Variants in CCDC141 observed in about 807,000 individuals in gnomAD.
The protein encoded by CCDC141 is coiled-coil domain containing 141.
Under a neutral mutation model 181.0 loss-of-function variants are expected in CCDC141, and 168 were observed. The ratio of observed to expected loss-of-function variants is 0.93; its 90% CI spans 0.82 to 1.05. CCDC141 has a LOEUF of 1.05. Among genes scored for constraint, CCDC141 ranks in the 50% least tolerant of loss-of-function variants. CCDC141 has a pLI of 0.00. For synonymous variants in CCDC141, 666 were observed against 642.3 expected (o/e 1.04, Z -0.56); for missense variants, 1,902 against 1,788.5 (o/e 1.06, Z -1.14).
At position 178,845,694 on chromosome 2, in the gene CCDC141, C is replaced by A. The variant is rs1216316746; in HGVS notation, c.3406G>T (p.Asp1136Tyr). 3.1e-6 allele frequency: 5 copies of A among 1,612,390 alleles called. No homozygotes were observed. Among genetic ancestry groups the A allele is most frequent in the South Asian group, 1.1e-5 (1 of 91,028 alleles). Residue 1136 changes from aspartate (D) to tyrosine (Y), a missense_variant, in exon 22 of 24, where the codon GAT (aspartate) becomes TAT (tyrosine). Asp to Tyr is a radical substitution (Grantham distance 160). Transcript: ENST00000443758. The part of the protein sequence containing the change: ...MNPNLEDFHY[D>Y]YIDLLKEPAK... ...GGTTCCTTTAGCAAGTCAATGTAAT[C>A]ATAATGGAAGTCTTCCAAATTCGGA...
At chr2:178,900,468 T>C (rs2067132524) in intron 8 of CCDC141, among the ~76,000 whole-genome samples, 1 of 152,208 alleles carries the variant, frequency 6.6e-6, no homozygotes, top group South Asian at 2.1e-4. Flanking sequence ...AGTTTCCTGT[T>C]TATGAAATGA....
chr2:178,872,781 A>C lies in CCDC141; in HGVS notation c.1900-469T>G, dbSNP rs544338458. On this transcript the variant is annotated intron_variant, in intron 12 of 23. Transcript: ENST00000443758. Reference sequence around the variant, plus strand: ...TTCTTTAAACTATTCCATTGTATACATTGCAATTATTTTAAATGTCCTTTG... The same window carrying C: ...TTCTTTAAACTATTCCATTGTATACCTTGCAATTATTTTAAATGTCCTTTG... Among the ~76,000 whole-genome samples the C allele has an allele frequency of 1.6e-4, 25 of 152,240 alleles. No individual in the cohort carries two copies. In the South Asian group the frequency reaches 4.6e-3, roughly 28 times the overall value.
At chr2:178,981,086 A>T (rs548568888) in intron 2 of CCDC141, among the ~76,000 whole-genome samples, 6 of 152,312 alleles carry the variant, frequency 3.9e-5, no homozygotes, top group South Asian at 2.1e-4. Context: ...AACAACAGAG[A>T]TTCAAAATAT....
intron 18 of CCDC141, 36 bp from the exon 19 acceptor site, chr2:178,855,577 C>A: frequency 1.4e-6 from 2 of 1,440,026 alleles, no homozygotes; most frequent in Admixed American, 2.4e-5. Context: ...AAACAACATT[C>A]AATTTGTATT....
chr2:178,824,442 G>T, the CCDC141 span, among the ~76,000 whole-genome samples: 3 of 151,862 alleles, frequency 2.0e-5, no homozygotes, highest in Non-Finnish European at 2.9e-5. Context: ...GGCCAACATG[G>T]AGAAACACCA....
intron 11 of CCDC141, among the ~76,000 whole-genome samples, chr2:178,879,050 A>T (rs1686477352): frequency 6.6e-6 from 1 of 152,234 alleles, no homozygotes. Flanking sequence ...TATTAAGGTA[A>T]ATTACTATGC....
In CCDC141 at chr2:178,865,873, T is replaced by A. The variant is rs1228590172; in HGVS notation, c.2618A>T (p.Glu873Val). The part of the protein sequence containing the change: ...VSAKNLQQQL[E>V]LLEEDSMKWR... ...CTTCATGCTGTCCTCCTCAAGGAGC[T>A]CCAGCTGCTGCTGTAGGTTCTTTGC... Residue 873 changes from glutamate to valine, a missense_variant, in exon 17 of 24, where the codon GAG becomes GTG. Physicochemically the swap from Glu to Val is moderately radical, Grantham distance 121. Transcript: ENST00000443758. The A allele has an allele frequency of 1.2e-6, 2 of 1,602,756 alleles. No homozygotes were observed. Among genetic ancestry groups the A allele is most frequent in the East Asian group, 4.5e-5 (2 of 44,096 alleles).
At chr2:178,851,993 G>A (rs181394368) in intron 20 of CCDC141, among the ~76,000 whole-genome samples, 32 of 152,220 alleles carry the variant, frequency 2.1e-4, no homozygotes, top group African/African-American at 3.4e-4. Context: ...CCAAACAGAC[G>A]GAGACTCATG....
chr2:178,992,891 CT>C (rs1359301232), intron 2 of CCDC141, among the ~76,000 whole-genome samples: 7 of 152,110 alleles, frequency 4.6e-5, no homozygotes, highest in Non-Finnish European at 8.8e-5. Context: ...GCTTTTCCCC[CT>C]TTTTGTCGGC....
chr2:178,826,484 G>C (rs911372588), downstream of CCDC141, among the ~76,000 whole-genome samples: 1 of 152,184 alleles, frequency 6.6e-6, no homozygotes, highest in African/African-American at 2.4e-5. Flanking sequence ...TTTTCTGGAA[G>C]AGACTGTGGA....
At chr2:178,868,683 G>A (rs1327447983) in intron 15 of CCDC141, among the ~76,000 whole-genome samples, 1 of 151,006 alleles carries the variant, frequency 6.6e-6, no homozygotes, top group African/African-American at 2.4e-5. Flanking sequence ...GCGGGGGAGA[G>A]GGGGTGGGCG....
At chr2:179,043,597 C>A (rs1286171892) in intron 2 of CCDC141, among the ~76,000 whole-genome samples, 1 of 152,174 alleles carries the variant, frequency 6.6e-6, no homozygotes, top group African/African-American at 2.4e-5. Flanking sequence ...TTAATAGACA[C>A]ACAAAAGGCC....
chr2:178,817,566 C>G, the CCDC141 span: 49 of 471,018 alleles, frequency 1.0e-4, no homozygotes, highest in African/African-American at 7.0e-4. Context: ...ATCTTTGAAC[C>G]AAGTGACACA....
At chr2:179,019,657 A>C (rs2042638433) in intron 2 of CCDC141, among the ~76,000 whole-genome samples, 1 of 152,194 alleles carries the variant, frequency 6.6e-6, no homozygotes. Context: ...CACTTTAATA[A>C]TTAATATTGA....
At chr2:178,818,590 C>T in the CCDC141 span, among the ~76,000 whole-genome samples, 27 of 152,130 alleles carry the variant, frequency 1.8e-4, no homozygotes, top group Admixed American at 1.8e-3. Context: ...CATCCATGTC[C>T]CTGCAAAGGA....
chr2:178,981,485 T>C (rs192005394), intron 2 of CCDC141, among the ~76,000 whole-genome samples: 167 of 151,254 alleles, frequency 1.1e-3, no homozygotes, highest in African/African-American at 3.8e-3. Context: ...ACAACACACT[T>C]TAAAATAACA....
At chr2:178,952,371 A>T (rs1689984866) in intron 5 of CCDC141, among the ~76,000 whole-genome samples, 1 of 152,266 alleles carries the variant, frequency 6.6e-6, no homozygotes, top group South Asian at 2.1e-4. Context: ...ATTTTAAAAT[A>T]TATAATATTT....
chr2:179,000,674 G>A (rs1432194584), intron 2 of CCDC141, among the ~76,000 whole-genome samples: 1 of 152,112 alleles, frequency 6.6e-6, no homozygotes, highest in African/African-American at 2.4e-5. Context: ...ACTATTGTAA[G>A]TAATGTTGAG....
chr2:178,820,888 T>C, the CCDC141 span, among the ~76,000 whole-genome samples: 1 of 152,184 alleles, frequency 6.6e-6, no homozygotes, highest in Non-Finnish European at 1.5e-5. Context: ...TACAGTCTTA[T>C]AAGGGTATCT....
Sources: allele counts gnomAD v4.1 joint callset (sites outside exome capture counted in the v4.1 genomes callset), GRCh38; gene constraint gnomAD v4.1.1; transcripts MANE v1.5; gene names NCBI Gene and HGNC (gene_info 2026-07-23, HGNC 2026-07-21).